Variants in TMEM117 observed in about 807,000 individuals in gnomAD.
TMEM117 encodes transmembrane protein 117.
A neutral mutation model predicts 52.4 loss-of-function variants in TMEM117; 27 were observed. That is an observed-to-expected ratio of 0.51 (90% CI 0.38 to 0.71). The LOEUF (loss-of-function observed/expected upper bound fraction) is 0.71. Ranked by LOEUF, TMEM117 falls within the 30% of genes least tolerant of loss-of-function variation. The pLI, the probability that TMEM117 is intolerant of heterozygous loss-of-function variation, is 0.00. For synonymous variants in TMEM117, 215 were observed against 206.3 expected (o/e 1.04, Z -0.36); for missense variants, 556 against 630.5 (o/e 0.88, Z 1.26).
intron 3 of TMEM117, among the ~76,000 whole-genome samples, chr12:44,081,002 T>C (rs1032970029): frequency 2.0e-5 from 3 of 152,202 alleles, no homozygotes; most frequent in Non-Finnish European, 4.4e-5. Flanking sequence ...AAAGTAAGTG[T>C]TTTTGTAGTT....
intron 3 of TMEM117, among the ~76,000 whole-genome samples, chr12:44,031,529 C>T (rs865995383): frequency 2.6e-5 from 4 of 152,168 alleles, no homozygotes; most frequent in Non-Finnish European, 4.4e-5. Context: ...CTGAAATGTT[C>T]ATGAATATCA....
chr12:44,357,646 T>A (rs1323866788), intron 6 of TMEM117, among the ~76,000 whole-genome samples: 6 of 152,088 alleles, frequency 3.9e-5, no homozygotes, highest in Non-Finnish European at 8.8e-5. Context: ...TCAGAATGGC[T>A]ATTACTAAAA....
chr12:44,248,570 C>T (rs35156535), intron 5 of TMEM117: 4,657 of 155,812 alleles, frequency 0.03, 111 homozygotes, highest in Middle Eastern at 0.047. Flanking sequence ...GTGACATTAG[C>T]GCTGGCAGAT....
intron 6 of TMEM117, among the ~76,000 whole-genome samples, chr12:44,345,931 G>T (rs2138764732): frequency 6.6e-6 from 1 of 152,126 alleles, no homozygotes; most frequent in African/African-American, 2.4e-5. Context: ...TACTTCTATA[G>T]AAACAGAATC....
intron 2 of TMEM117, among the ~76,000 whole-genome samples, chr12:43,858,449 A>C (rs1162288105): frequency 6.6e-6 from 1 of 152,188 alleles, no homozygotes; most frequent in Non-Finnish European, 1.5e-5. Flanking sequence ...TGGTTAAAGA[A>C]AGTCATTTAG....
At chr12:44,272,724 G>A (rs978645014) in intron 5 of TMEM117, among the ~76,000 whole-genome samples, 1 of 152,158 alleles carries the variant, frequency 6.6e-6, no homozygotes, top group African/African-American at 2.4e-5. Flanking sequence ...GGAAATAACA[G>A]GTGCTGAAGA....
chr12:43,830,501 T>TC, the TMEM117 span, among the ~76,000 whole-genome samples: 1 of 151,004 alleles, frequency 6.6e-6, no homozygotes, highest in Non-Finnish European at 1.5e-5. Context: ...TCGCAGCTAC[T>TC]CAGGAGGCTG....
At chr12:43,893,332 T>G (rs1048851826) in intron 2 of TMEM117, among the ~76,000 whole-genome samples, 3 of 152,176 alleles carry the variant, frequency 2.0e-5, no homozygotes, top group Non-Finnish European at 4.4e-5. Context: ...CATGGAGGCT[T>G]GGACTAGGGT....
intron 3 of TMEM117, among the ~76,000 whole-genome samples, chr12:44,131,294 A>G (rs1449992093): frequency 6.6e-6 from 1 of 152,136 alleles, no homozygotes; most frequent in African/African-American, 2.4e-5. Context: ...ATGATCTGGG[A>G]GTTCTCAAAT....
intron 6 of TMEM117, among the ~76,000 whole-genome samples, chr12:44,320,519 C>T (rs1951116221): frequency 6.6e-6 from 1 of 152,180 alleles, no homozygotes; most frequent in African/African-American, 2.4e-5. Context: ...GTCATTATCA[C>T]CACCTTCCCT....
At chr12:44,189,584 T>G (rs1949324676) in intron 4 of TMEM117, among the ~76,000 whole-genome samples, 1 of 152,102 alleles carries the variant, frequency 6.6e-6, no homozygotes, top group Non-Finnish European at 1.5e-5. Flanking sequence ...AAAATAAACT[T>G]TTGCCTTGTG....
chr12:44,162,084 C>G (rs543421952), intron 4 of TMEM117, among the ~76,000 whole-genome samples: 1 of 151,974 alleles, frequency 6.6e-6, no homozygotes, highest in Non-Finnish European at 1.5e-5. Context: ...AATGAGATGC[C>G]GTATGGAGCT....
chr12:44,033,786 A>G (rs1946670328), intron 3 of TMEM117, among the ~76,000 whole-genome samples: 1 of 152,250 alleles, frequency 6.6e-6, no homozygotes, highest in African/African-American at 2.4e-5. Context: ...GAATCTAATA[A>G]AAATGCTTTT....
intron 3 of TMEM117, among the ~76,000 whole-genome samples, chr12:43,953,281 G>T (rs1191939453): frequency 6.6e-6 from 1 of 152,050 alleles, no homozygotes; most frequent in Non-Finnish European, 1.5e-5. Flanking sequence ...ATGATGACAG[G>T]ATCAAATTCA....
At chr12:43,949,075 T>C (rs1445190826) in intron 3 of TMEM117, among the ~76,000 whole-genome samples, 1 of 152,216 alleles carries the variant, frequency 6.6e-6, no homozygotes, top group Non-Finnish European at 1.5e-5. Context: ...AACATGTAAC[T>C]GTTAGCAGCA....
intron 6 of TMEM117, among the ~76,000 whole-genome samples, chr12:44,337,131 TAAG>T (rs1951351830): frequency 6.6e-6 from 1 of 151,990 alleles, no homozygotes; most frequent in Non-Finnish European, 1.5e-5. Context: ...AGGCAATTAA[TAAG>T]AACAAAAATA....
intron 5 of TMEM117, among the ~76,000 whole-genome samples, chr12:44,287,759 G>C (rs1340744262): frequency 6.6e-6 from 1 of 152,172 alleles, no homozygotes; most frequent in Non-Finnish European, 1.5e-5. Context: ...GCCTGGACTT[G>C]AACCATCTTA....
rs141261706 is a variant in TMEM117, at chr12:44,345,717, C to T, written c.769-30878C>T. Among the ~76,000 whole-genome samples the T allele has an allele frequency of 2.5e-3, 373 of 152,142 alleles. 5 individuals are homozygous for T. Among genetic ancestry groups the T allele is most frequent in the African/African-American group, 8.2e-3 (341 of 41,540 alleles). ...AATTGCTATTCATTTACATAGTCAA[C>T]GTATCATTGTTATTTATTTACTTAT... is the stretch of plus-strand genomic sequence containing the variant. On this transcript the variant is annotated intron_variant, in intron 6 of 7. Coordinates refer to ENST00000266534, the MANE Select transcript of TMEM117 (RefSeq NM_032256.3).
At chr12:44,027,962 T>G (rs866202935) in intron 3 of TMEM117, among the ~76,000 whole-genome samples, 2 of 152,152 alleles carry the variant, frequency 1.3e-5, no homozygotes, top group Non-Finnish European at 2.9e-5. Flanking sequence ...TCCCAGCACT[T>G]AGGGAGGCCG....
Sources: allele counts gnomAD v4.1 joint callset (sites outside exome capture counted in the v4.1 genomes callset), GRCh38; gene constraint gnomAD v4.1.1; transcripts MANE v1.5; gene names NCBI Gene and HGNC (gene_info 2026-07-23, HGNC 2026-07-21).